SLC4A4: variants seen among roughly 807,000 people sequenced by gnomAD.
The protein encoded by SLC4A4 is electrogenic sodium bicarbonate cotransporter 1.
A neutral mutation model predicts 111.5 loss-of-function variants in SLC4A4; 27 were observed. The observed-to-expected ratio is 0.24, with a 90% CI of 0.18 to 0.33. The LOEUF is 0.33. Among genes scored for constraint, SLC4A4 ranks in the 10% least tolerant of loss-of-function variants. The probability of loss-of-function intolerance (pLI) is 1.00; values close to 1 mark genes in which losing one functional copy is unlikely to be tolerated. For synonymous variants in SLC4A4, 443 were observed against 463.4 expected (o/e 0.96, Z 0.57); for missense variants, 909 against 1,315.5 (o/e 0.69, Z 4.78).
chr4:71,539,834 A>G (rs1287400814), intron 18 of SLC4A4, among the ~76,000 whole-genome samples: 1 of 152,136 alleles, frequency 6.6e-6, no homozygotes, highest in Non-Finnish European at 1.5e-5. Context: ...GGTAGACTCA[A>G]TAAATACATG....
chr4:71,102,612 T>A (rs890249423), intron 2 of SLC4A4, among the ~76,000 whole-genome samples: 4 of 151,870 alleles, frequency 2.6e-5, no homozygotes, highest in Non-Finnish European at 5.9e-5. Context: ...TGGGGGCCAA[T>A]ATTCAACATT....
At chr4:71,467,649 C>A (rs1365631418) in intron 13 of SLC4A4, among the ~76,000 whole-genome samples, 1 of 152,042 alleles carries the variant, frequency 6.6e-6, no homozygotes, top group African/African-American at 2.4e-5. Flanking sequence ...ATGGACATTG[C>A]AATTATGATA....
intron 12 of SLC4A4, among the ~76,000 whole-genome samples, chr4:71,457,978 T>C (rs1344814628): frequency 6.6e-6 from 1 of 152,182 alleles, no homozygotes; most frequent in Non-Finnish European, 1.5e-5. Context: ...TTAAATTTTG[T>C]ATTAGCATTT....
At chr4:71,258,382 T>A (rs1721610031) in intron 3 of SLC4A4, among the ~76,000 whole-genome samples, 1 of 152,206 alleles carries the variant, frequency 6.6e-6, no homozygotes, top group African/African-American at 2.4e-5. Flanking sequence ...TCCCCTTCAT[T>A]ATTCTTTCCC....
rs558905163 is a variant in SLC4A4, at chr4:71,494,739, G to A, written c.1975-2762G>A. On this transcript the variant is annotated intron_variant, in intron 15 of 25. Coordinates refer to ENST00000264485, the MANE Select transcript of SLC4A4 (RefSeq NM_001098484.3). ...GTAAGGGCTAGAGGGCAGTAGCAGT[G>A]AGATGAGTTAAGGGTCTCCTGTATT... 7.9e-5 allele frequency among the ~76,000 whole-genome samples: 12 copies of A among 152,132 alleles called. 1 individual carries two copies. Among genetic ancestry groups the A allele is most frequent in the Admixed American group, 7.9e-4 (12 of 15,262 alleles).
At chr4:71,305,868 G>A (rs1725641120) in intron 3 of SLC4A4, among the ~76,000 whole-genome samples, 1 of 152,212 alleles carries the variant, frequency 6.6e-6, no homozygotes. Flanking sequence ...GTGAAAAGTG[G>A]TATTACAGTG....
At chr4:71,357,851 T>C (rs1730424146) in intron 6 of SLC4A4, among the ~76,000 whole-genome samples, 1 of 152,186 alleles carries the variant, frequency 6.6e-6, no homozygotes, top group South Asian at 2.1e-4. Context: ...TGTCTATCTT[T>C]TGTATCATGG....
intron 3 of SLC4A4, among the ~76,000 whole-genome samples, chr4:71,268,854 C>A (rs1176333986): frequency 6.6e-6 from 1 of 152,226 alleles, no homozygotes; most frequent in Admixed American, 6.5e-5. Flanking sequence ...AGGGAACTGA[C>A]TAAGCCGCGT....
rs947151244 is a variant in SLC4A4 at position 71,146,414 on chromosome 4, T to C, written c.-2+53622T>C. Among the ~76,000 whole-genome samples, 6 of 152,206 alleles carry C rather than the reference T, an allele frequency of 3.9e-5. No homozygotes were observed. In the East Asian group the frequency reaches 5.8e-4, roughly 15 times the overall value. ...AGGTGTGGTGTGGTGCTGAAAAGAA[T>C]GTATATTCTGTTGATTTGGGGTGGA... On this transcript the variant is annotated intron_variant, in intron 2 of 26. Coordinates refer to the SLC4A4 transcript ENST00000649996.
chr4:71,558,463 A>G (rs1470110208), intron 22 of SLC4A4, among the ~76,000 whole-genome samples: 3 of 151,972 alleles, frequency 2.0e-5, no homozygotes, highest in African/African-American at 7.2e-5. Context: ...ATGATGAGAA[A>G]CAAGGTAAAG....
At chr4:71,537,517 A>G (rs1734661693) in intron 18 of SLC4A4, among the ~76,000 whole-genome samples, 1 of 152,034 alleles carries the variant, frequency 6.6e-6, no homozygotes. Context: ...ACTTTAAACT[A>G]CAAGTTTGCC....
In SLC4A4 at chr4:71,571,413, C is replaced by G. The variant is rs1485150231; in HGVS notation, c.*3662C>G. 1 of 152,076 alleles carries G rather than the reference C, an allele frequency of 6.6e-6. No individual in the cohort carries two copies. The highest frequency in any genetic ancestry group is 1.5e-5 in the Non-Finnish European group (1 of 67,866). The allele number at this position is 152,076 out of a possible 1,614,324, so 9.4% of individuals were successfully genotyped here. ...TACAATCAAGTGATATTTTGTAGCA[C>G]CTCACTATCTGAAAGGCCATGAGTT... On this transcript the variant is annotated 3_prime_UTR_variant, in exon 26 of 26. Coordinates refer to ENST00000264485, the MANE Select transcript of SLC4A4 (RefSeq NM_001098484.3).
chr4:71,164,811 A>G (rs1178633545), intron 2 of SLC4A4, among the ~76,000 whole-genome samples: 3 of 152,194 alleles, frequency 2.0e-5, no homozygotes, highest in African/African-American at 7.2e-5. Flanking sequence ...TCAACTGACA[A>G]AGGGCTAATA....
intron 6 of SLC4A4, among the ~76,000 whole-genome samples, chr4:71,367,161 G>A (rs902549311): frequency 6.6e-6 from 1 of 152,182 alleles, no homozygotes; most frequent in African/African-American, 2.4e-5. Context: ...ACAGGTTGAG[G>A]GGAGTAGAGG....
At chr4:71,374,245 A>G (rs1013181139) in intron 6 of SLC4A4, among the ~76,000 whole-genome samples, 2 of 151,982 alleles carry the variant, frequency 1.3e-5, no homozygotes, top group East Asian at 3.9e-4. Context: ...TCAGATGCAG[A>G]CTTGTTTTTG....
Position 71,546,514 on chromosome 4 carries a change from GT to G in SLC4A4, c.2610del (p.Leu871Ter). On this transcript the variant is annotated frameshift_variant, in exon 19 of 26. Transcript: ENST00000264485. LOFTEE classifies it high-confidence loss of function. ...ETSAPGEQPK[F>X]LGVREQRVTG... ...CTTCTGCACCTGGAGAACAACCAAA[GT>G]TTCTAGGAGTGAGGTGTGTTAACTC... 1.2e-6 allele frequency: 2 copies of G among 1,612,204 alleles called. No homozygotes were observed. Among genetic ancestry groups the G allele is most frequent in the Non-Finnish European group, 1.7e-6 (2 of 1,178,850 alleles).
At chr4:71,067,744 C>T (rs1054410372) in intron 1 of SLC4A4, among the ~76,000 whole-genome samples, 1 of 151,962 alleles carries the variant, frequency 6.6e-6, no homozygotes, top group Admixed American at 6.6e-5. Context: ...AAAGTCTGTG[C>T]CTCTTAAACT....
At chr4:71,130,094 C>G (rs146727784) in intron 2 of SLC4A4, among the ~76,000 whole-genome samples, 18 of 152,222 alleles carry the variant, frequency 1.2e-4, no homozygotes, top group African/African-American at 3.9e-4. Flanking sequence ...ATGCCATTTA[C>G]CTATATGACA....
chr4:71,212,381 C>T (rs1718187194), intron 1 of SLC4A4, among the ~76,000 whole-genome samples: 1 of 152,152 alleles, frequency 6.6e-6, no homozygotes, highest in Non-Finnish European at 1.5e-5. Context: ...AGAATTATGT[C>T]TGACTGGGAG....
Sources: gnomAD v4.1 joint callset for allele counts (sites outside exome capture counted in the v4.1 genomes callset) on GRCh38, gnomAD v4.1.1 for gene constraint, MANE v1.5 for transcripts, NCBI Gene and HGNC (gene_info 2026-07-23, HGNC 2026-07-21) for gene names.